Variants in GRM2 observed in about 807,000 individuals in gnomAD.
GRM2 encodes the protein glutamate metabotropic receptor 2, also known as metabotropic glutamate receptor 2.
A neutral mutation model predicts 60.4 loss-of-function variants in GRM2; 35 were observed. The ratio of observed to expected loss-of-function variants is 0.58; its 90% confidence interval spans 0.44 to 0.77. The LOEUF is 0.77. Ranked by LOEUF, GRM2 falls within the 30% of genes least tolerant of loss-of-function variation. The probability of loss-of-function intolerance (pLI) is 0.00; values close to 1 mark genes in which losing one functional copy is unlikely to be tolerated. For synonymous variants in GRM2, 437 were observed against 484.1 expected, an observed-to-expected ratio of 0.90 and a Z score of 1.28; for missense variants, 925 against 1,199.5, an observed-to-expected ratio of 0.77 and a Z score of 3.38.
Position 51,712,381 on chromosome 3 carries a change from C to G in GRM2, c.451-92C>G. The G allele has an allele frequency of 1.2e-6, 1 of 843,386 alleles. No individual in the cohort carries two copies. Among genetic ancestry groups the G allele is most frequent in the Non-Finnish European group, 2.0e-6 (1 of 507,890 alleles). 52.2% of individuals were successfully genotyped at this position (843,386 alleles called of 1,614,324 possible). A position where few individuals can be genotyped will look rare whatever the true frequency, so the allele number is the denominator to read the frequency against. On this transcript the variant is annotated intron_variant, in intron 2 of 5. Coordinates refer to ENST00000395052, the MANE Select transcript of GRM2 (RefSeq NM_000839.5). This position sits in a 1 kb window ranked among gnomAD's most constrained non-coding sequence, Gnocchi z 5.3. ...GCCTTTAGGCCTGACCTTGTGGACA[C>G]TTGACACCAAGACCTGCTAGCTGTG...
At chr3:51,710,824 C>G (rs964512243) in intron 2 of GRM2, among the ~76,000 whole-genome samples, 4 of 152,186 alleles carry the variant, frequency 2.6e-5, no homozygotes, top group Non-Finnish European at 5.9e-5. Context: ...CTGTGCCCAG[C>G]TGCGATCCTC....
rs1703779299 is a variant in GRM2 at position 51,713,153 on chromosome 3, G to T, written c.1131G>T (p.Lys377Asn). The change falls in exon 3 of 6, where the codon AAG becomes AAT. Residue 377 changes from lysine (K) to asparagine (N), a missense_variant. By Grantham distance (94) the Lys-to-Asn change is moderately conservative. Transcript: ENST00000395052. This position sits in a 1 kb window ranked among gnomAD's most constrained non-coding sequence, Gnocchi z 4.8. ...CTGTGCCCTTTGAGCAGGAGTCCAA[G>T]ATCATGTTTGTGGTCAATGCAGTGT... The part of the protein sequence containing the change: ...LRAVPFEQES[K>N]IMFVVNAVYA... The T allele has an allele frequency of 6.2e-7, 1 of 1,613,194 alleles. No homozygotes were observed. Among genetic ancestry groups the T allele is most frequent in the African/African-American group, 1.3e-5 (1 of 75,078 alleles).
intron 3 of GRM2, 118 bp from the exon 4 acceptor site, chr3:51,714,944 G>A: frequency 1.7e-6 from 1 of 590,896 alleles, no homozygotes; most frequent in South Asian, 2.6e-5. Context: ...GTTAAGGATT[G>A]GAAGGGCTAA....
chr3:51,714,067 G>A (rs1703817627), intron 3 of GRM2: 5 of 415,778 alleles, frequency 1.2e-5, no homozygotes, highest in East Asian at 7.5e-5. Flanking sequence ...AAGAATCACC[G>A]TGGGAACAGT....
Position 51,715,852 on chromosome 3 carries a change from C to T in GRM2, c.2079C>T (p.Ile693=), listed in dbSNP as rs983060285. Reference sequence around the variant, plus strand: ...CACTTATCTCGGGCCAGCTGCTCATCGTGGTCGCCTGGCTGGTGGTGGAGG... The same window carrying T: ...CACTTATCTCGGGCCAGCTGCTCATTGTGGTCGCCTGGCTGGTGGTGGAGG... The part of the protein sequence containing the change: ...CLALISGQLL[I]VVAWLVVEAP... The change falls in exon 4 of 6, where the codon ATC becomes ATT. Residue 693 remains isoleucine, a synonymous_variant. Transcript: ENST00000395052. The surrounding 1 kb of genome is among the most constrained non-coding windows in gnomAD (Gnocchi z 9.0). 12 of 1,613,308 alleles carry T rather than the reference C, an allele frequency of 7.4e-6. No individual in the cohort carries two copies. The highest frequency in any genetic ancestry group is 1.6e-4 in the Middle Eastern group (1 of 6,062).
In GRM2 at chr3:51,715,581, G is replaced by A. The variant is rs762223150; in HGVS notation, c.1808G>A (p.Arg603Gln). 11 of 1,614,160 alleles carry A rather than the reference G, an allele frequency of 6.8e-6. No homozygotes were observed. The highest frequency in any genetic ancestry group is 2.2e-5 in the East Asian group (1 of 44,882). ...ACACCAGTGGTCAAGGCCTCAGGTC[G>A]GGAGCTCTGCTACATCCTGCTGGGT... The part of the protein sequence containing the change: ...NATPVVKASG[R>Q]ELCYILLGGV... The change falls in exon 4 of 6, where the codon CGG (arginine) becomes CAG (glutamine). Residue 603 changes from arginine to glutamine, a missense_variant. Transcript: ENST00000395052. This position sits in a 1 kb window ranked among gnomAD's most constrained non-coding sequence, Gnocchi z 9.0.
chr3:51,715,803 C>T lies in GRM2; in HGVS notation c.2030C>T (p.Ala677Val), dbSNP rs1703875012. 4 of 1,613,598 alleles carry T rather than the reference C, an allele frequency of 2.5e-6. No individual in the cohort carries two copies. Among genetic ancestry groups the T allele is most frequent in the South Asian group, 2.2e-5 (2 of 91,082 alleles). ...CAGCGGCCACGCTTCATCAGTCCTG[C>T]CTCACAGGTGGCCATCTGCCTGGCA... is the stretch of plus-strand genomic sequence containing the variant. ...GAQRPRFISP[A>V]SQVAICLALI... Residue 677 changes from alanine (A) to valine (V), a missense_variant, in exon 4 of 6, where the codon GCC (alanine) becomes GTC (valine). Ala to Val is a moderately conservative substitution (Grantham distance 64, BLOSUM62 0). Transcript: ENST00000395052. This position sits in a 1 kb window ranked among gnomAD's most constrained non-coding sequence, Gnocchi z 9.0.
chr3:51,710,295 A>C (rs755578350), intron 2 of GRM2, among the ~76,000 whole-genome samples: 3 of 152,178 alleles, frequency 2.0e-5, no homozygotes, highest in Non-Finnish European at 4.4e-5. Context: ...TGCCCGGCCC[A>C]CAACACTTTC....
Position 51,715,802 on chromosome 3 carries a change from G to A in GRM2, c.2029G>A (p.Ala677Thr), listed in dbSNP as rs765796581. ...CCAGCGGCCACGCTTCATCAGTCCT[G>A]CCTCACAGGTGGCCATCTGCCTGGC... ...GAQRPRFISP[A>T]SQVAICLALI... Residue 677 changes from alanine (A) to threonine (T), a missense_variant, in exon 4 of 6, where the codon GCC (alanine) becomes ACC (threonine). Coordinates refer to ENST00000395052, the MANE Select transcript of GRM2 (RefSeq NM_000839.5). This position sits in a 1 kb window ranked among gnomAD's most constrained non-coding sequence, Gnocchi z 9.0. The A allele has an allele frequency of 5.2e-5, 84 of 1,613,516 alleles. 1 individual carries two copies. Among genetic ancestry groups the A allele is most frequent in the Non-Finnish European group, 6.5e-5 (77 of 1,179,956 alleles).
In GRM2 at chr3:51,712,380, A is replaced by G. The variant is rs965858028; in HGVS notation, c.451-93A>G. ...AGCCTTTAGGCCTGACCTTGTGGAC[A>G]CTTGACACCAAGACCTGCTAGCTGT... On this transcript the variant is annotated intron_variant, in intron 2 of 5. Coordinates refer to ENST00000395052, the MANE Select transcript of GRM2 (RefSeq NM_000839.5). This position sits in a 1 kb window ranked among gnomAD's most constrained non-coding sequence, Gnocchi z 5.3. 6.6e-5 allele frequency: 54 copies of G among 821,788 alleles called. No homozygotes were observed. Among genetic ancestry groups the G allele is most frequent in the Non-Finnish European group, 9.8e-5 (48 of 489,722 alleles). 50.9% of individuals were successfully genotyped at this position (821,788 alleles called of 1,614,324 possible).
rs199514469 is a variant in GRM2, at chr3:51,715,262, G to A, written c.1489G>A (p.Ala497Thr). ...CTCACCCTCAGCCGGCCCCCTGCCC[G>A]CCTCTCGCTGCAGTGAGCCCTGCCT... ...WASPSAGPLP[A>T]SRCSEPCLQN... The change falls in exon 4 of 6, where the codon GCC (alanine) becomes ACC (threonine). Residue 497 changes from alanine (A) to threonine (T), a missense_variant. By Grantham distance (58) the Ala-to-Thr change is moderately conservative. Transcript: ENST00000395052. This position sits in a 1 kb window ranked among gnomAD's most constrained non-coding sequence, Gnocchi z 9.0. The A allele has an allele frequency of 8.3e-5, 134 of 1,608,684 alleles. No individual in the cohort carries two copies. In the East Asian group the frequency reaches 2.1e-3, roughly 25 times the overall value.
chr3:51,711,101 G>A (rs908359660), intron 2 of GRM2, among the ~76,000 whole-genome samples: 11 of 152,194 alleles, frequency 7.2e-5, no homozygotes, highest in Non-Finnish European at 1.2e-4. Flanking sequence ...GCCTGAAGTC[G>A]GGGAGGCCTG....
Position 51,716,986 on chromosome 3 carries a change from T to G in GRM2, c.2365-651T>G, listed in dbSNP as rs2107124530. Among the ~76,000 whole-genome samples the G allele has an allele frequency of 6.6e-6, 1 of 152,232 alleles. No homozygotes were observed. The highest frequency in any genetic ancestry group is 2.1e-4 in the South Asian group (1 of 4,822). ...TGCTTGCACCTGCTGGGCCACCTGC[T>G]TGGGTGGTAGAGGCCAGGGCTGGGG... On this transcript the variant is annotated intron_variant, in intron 4 of 5. Coordinates refer to ENST00000395052, the MANE Select transcript of GRM2 (RefSeq NM_000839.5). This position sits in a 1 kb window ranked among gnomAD's most constrained non-coding sequence, Gnocchi z 4.0.
Position 51,715,237 on chromosome 3 carries a change from C to G in GRM2, c.1464C>G (p.Ala488=). 1 of 1,611,866 alleles carries G rather than the reference C, an allele frequency of 6.2e-7. No homozygotes were observed. The highest frequency in any genetic ancestry group is 8.5e-7 in the Non-Finnish European group (1 of 1,178,582). ...TGGACACCAGCCTCATCCCATGGGC[C>G]TCACCCTCAGCCGGCCCCCTGCCCG... ...LTLDTSLIPW[A]SPSAGPLPAS... The change falls in exon 4 of 6, where the codon GCC becomes GCG. Residue 488 remains alanine (A), a synonymous_variant. Coordinates refer to ENST00000395052, the MANE Select transcript of GRM2 (RefSeq NM_000839.5). This position sits in a 1 kb window ranked among gnomAD's most constrained non-coding sequence, Gnocchi z 9.0.
In GRM2 at chr3:51,709,189, T is replaced by C; in HGVS notation, c.206T>C (p.Leu69Pro). The C allele has an allele frequency of 6.2e-7, 1 of 1,612,084 alleles. No individual in the cohort carries two copies. The highest frequency in any genetic ancestry group is 8.5e-7 in the Non-Finnish European group (1 of 1,179,464). ...CGCCTGGAGGCCATGCTTTTTGCAC[T>C]GGACCGCATCAACCGTGACCCGCAC... ...IQRLEAMLFA[L>P]DRINRDPHLL... is the part of the protein sequence containing the mutation. The change falls in exon 2 of 6, where the codon CTG becomes CCG. Residue 69 changes from leucine (L) to proline (P), a missense_variant. Physicochemically the swap from Leu to Pro is moderately conservative, Grantham distance 98. Transcript: ENST00000395052.
Position 51,708,892 on chromosome 3 carries a change from G to T in GRM2, c.-92G>T. ...CTCTCTTCTTGTCTGTCCTTTCCTGGTCCCTGTTTCCTCCTCTCTTTGCCT... is the reference window on the plus strand; with the variant it reads ...CTCTCTTCTTGTCTGTCCTTTCCTGTTCCCTGTTTCCTCCTCTCTTTGCCT... On this transcript the variant is annotated 5_prime_UTR_variant, in exon 2 of 6. Coordinates refer to ENST00000395052, the MANE Select transcript of GRM2 (RefSeq NM_000839.5). 1 of 931,982 alleles carries T rather than the reference G, an allele frequency of 1.1e-6. No homozygotes were observed. The allele number at this position is 931,982 out of a possible 1,614,324, so 57.7% of individuals were successfully genotyped here. A position where few individuals can be genotyped will look rare whatever the true frequency, so the allele number is the denominator to read the frequency against.
At position 51,712,332 on chromosome 3, in the gene GRM2, A is replaced by G. The variant is rs955914042; in HGVS notation, c.451-141A>G. The G allele has an allele frequency of 9.5e-5, 64 of 675,264 alleles. No individual in the cohort carries two copies. The highest frequency in any genetic ancestry group is 1.3e-4 in the Non-Finnish European group (48 of 379,118). The allele number at this position is 675,264 out of a possible 1,614,324, so 41.8% of individuals were successfully genotyped here. ...AGCCCAGAGGGAAGACTGTCAAGTC[A>G]GGATGCAGGGCTTTAGAGAGGGAGC... is the stretch of plus-strand genomic sequence containing the variant. On this transcript the variant is annotated intron_variant, in intron 2 of 5. Transcript: ENST00000395052. The surrounding 1 kb of genome is among the most constrained non-coding windows in gnomAD (Gnocchi z 5.3).
intron 3 of GRM2, chr3:51,714,034 G>A (rs1703816853): frequency 2.2e-6 from 1 of 451,100 alleles, no homozygotes; most frequent in Admixed American, 2.4e-5. Context: ...AATGACTGCT[G>A]CAGATCATCA....
rs1246035621 is a variant in GRM2, at chr3:51,709,163, G to C, written c.180G>C (p.Gln60His). Reference protein sequence around the residue: ...CGPVNEHRGIQRLEAMLFALD... With the variant: ...CGPVNEHRGIHRLEAMLFALD... ...CTGTCAATGAGCACCGTGGCATCCA[G>C]CGCCTGGAGGCCATGCTTTTTGCAC... The change falls in exon 2 of 6, where the codon CAG (glutamine) becomes CAC (histidine). Residue 60 changes from glutamine (Q) to histidine (H), a missense_variant. By Grantham distance (24) the Gln-to-His change is conservative. Coordinates refer to ENST00000395052, the MANE Select transcript of GRM2 (RefSeq NM_000839.5). 1 of 1,612,384 alleles carries C rather than the reference G, an allele frequency of 6.2e-7. No homozygotes were observed. Among genetic ancestry groups the C allele is most frequent in the South Asian group, 1.1e-5 (1 of 91,090 alleles).
Sources: gnomAD v4.1 joint callset for allele counts (sites outside exome capture counted in the v4.1 genomes callset) on GRCh38, gnomAD v4.1.1 for gene constraint, Gnocchi (gnomAD v3.1) non-coding constraint, MANE v1.5 for transcripts, NCBI Gene and HGNC (gene_info 2026-07-23, HGNC 2026-07-21) for gene names.